Variants in IQCH observed in about 807,000 individuals in gnomAD.
IQCH encodes the protein IQ motif containing H, also known as IQ domain-containing protein H.
IQCH carries 98 observed loss-of-function variants against 117.0 expected under a neutral mutation model. The ratio of observed to expected loss-of-function variants is 0.84; its 90% CI spans 0.71 to 0.99. The LOEUF is 0.99. IQCH is among the 50% of genes least tolerant of loss of function. The pLI is 0.00. For missense variants in IQCH, 1,102 were observed against 1,243.8 expected (o/e 0.89, Z 1.72); for synonymous variants, 412 against 448.2 (o/e 0.92, Z 1.02).
At chr15:67,258,745 A>G (rs992115294) in intron 1 of IQCH, among the ~76,000 whole-genome samples, 1 of 152,308 alleles carries the variant, frequency 6.6e-6, no homozygotes, top group East Asian at 1.9e-4. Context: ...TTGTCAAAAT[A>G]ATAATCTTTC....
Position 67,500,290 on chromosome 15 carries a change from T to C in IQCH, c.2971-343T>C, listed in dbSNP as rs983741477. 2.6e-5 allele frequency among the ~76,000 whole-genome samples: 4 copies of C among 152,186 alleles called. No individual in the cohort carries two copies. Among genetic ancestry groups the C allele is most frequent in the African/African-American group, 4.8e-5 (2 of 41,450 alleles). ...GGAAACTATTTGTTTTGTTTTGATT[T>C]TATCTGACTATCATGGATCAACATT... On this transcript the variant is annotated intron_variant, in intron 20 of 20. Transcript: ENST00000335894. This position sits in a 1 kb window ranked among gnomAD's most constrained non-coding sequence, Gnocchi z 4.4.
intron 3 of IQCH, among the ~76,000 whole-genome samples, chr15:67,266,057 A>G (rs903666079): frequency 4.6e-5 from 7 of 152,106 alleles, no homozygotes; most frequent in African/African-American, 1.7e-4. Context: ...ATTGGGACAG[A>G]AGCAGGACCT....
chr15:67,305,604 T>C (rs1967255281), intron 4 of IQCH, among the ~76,000 whole-genome samples: 1 of 152,156 alleles, frequency 6.6e-6, no homozygotes, highest in Non-Finnish European at 1.5e-5. Context: ...AGCAGATTTC[T>C]CTTTTGTTGT....
chr15:67,337,201 C>A, intron 5 of IQCH, 106 bp downstream of exon 5: 2 of 1,297,518 alleles, frequency 1.5e-6, no homozygotes, highest in Non-Finnish European at 2.2e-6. Context: ...ACTAATTCTC[C>A]TGGGTGGCCT....
chr15:67,398,396 G>A (rs1273061370), intron 13 of IQCH, among the ~76,000 whole-genome samples: 4 of 152,094 alleles, frequency 2.6e-5, no homozygotes, highest in Admixed American at 6.5e-5. Flanking sequence ...ACCTTCCTAG[G>A]CTGTGTTCAT....
Position 67,445,778 on chromosome 15 carries a change from A to G in IQCH, c.2506-19349A>G, listed in dbSNP as rs1344684579. ...TAGATGTCTCCACAAATGTCTTAATATGTAAATGCTATTAAACCAACCCAC... is the reference window on the plus strand; with the variant it reads ...TAGATGTCTCCACAAATGTCTTAATGTGTAAATGCTATTAAACCAACCCAC... On this transcript the variant is annotated intron_variant, in intron 16 of 20. Coordinates refer to ENST00000335894, the MANE Select transcript of IQCH (RefSeq NM_001031715.3). The surrounding 1 kb of genome is among the most constrained non-coding windows in gnomAD (Gnocchi z 4.3). 6.6e-6 allele frequency among the ~76,000 whole-genome samples: 1 copy of G among 152,190 alleles called. No homozygotes were observed. The highest frequency in any genetic ancestry group is 1.5e-5 in the Non-Finnish European group (1 of 68,036).
At chr15:67,264,847 T>C (rs1199639898) in intron 3 of IQCH, among the ~76,000 whole-genome samples, 4 of 151,736 alleles carry the variant, frequency 2.6e-5, no homozygotes, top group Non-Finnish European at 4.4e-5. Flanking sequence ...GCTCTCTCTC[T>C]CTCTCCCTCC....
chr15:67,417,141 T>C lies in IQCH; in HGVS notation c.2218+90T>C. On this transcript the variant is annotated intron_variant, in intron 15 of 20. Coordinates refer to ENST00000335894, the MANE Select transcript of IQCH (RefSeq NM_001031715.3). The surrounding 1 kb of genome is among the most constrained non-coding windows in gnomAD (Gnocchi z 4.3). ...TCAACTGGGGCCAATTTAAATACTT[T>C]GCATCTCCTGTGTTGGTTTAGAAAA... 4 of 1,118,536 alleles carry C rather than the reference T, an allele frequency of 3.6e-6. No individual in the cohort carries two copies. Among genetic ancestry groups the C allele is most frequent in the East Asian group, 2.8e-5 (1 of 35,826 alleles). The allele number at this position is 1,118,536 out of a possible 1,614,324, so 69.3% of individuals were successfully genotyped here. A position where few individuals can be genotyped will look rare whatever the true frequency, so the allele number is the denominator to read the frequency against.
rs955863207 is a variant in IQCH, at chr15:67,388,256, T to C, written c.1457-575T>C. 3.3e-5 allele frequency among the ~76,000 whole-genome samples: 5 copies of C among 152,212 alleles called. No homozygotes were observed. The South Asian group carries it at 1.0e-3, about 32-fold the overall frequency. On this transcript the variant is annotated intron_variant, in intron 11 of 20. Coordinates refer to ENST00000335894, the MANE Select transcript of IQCH (RefSeq NM_001031715.3). This position sits in a 1 kb window ranked among gnomAD's most constrained non-coding sequence, Gnocchi z 5.5. ...GATGGTGTTTCCTTTAAACCAAGAATCACTAGACCTGCTATTTAAGTAATG... is the reference window on the plus strand; with the variant it reads ...GATGGTGTTTCCTTTAAACCAAGAACCACTAGACCTGCTATTTAAGTAATG...
Position 67,494,273 on chromosome 15 carries a change from T to A in IQCH, c.2877T>A (p.Asp959Glu), listed in dbSNP as rs780018133. ...TCATTAACAGAACAATCGGCGAGGA[T>A]CTCCAGGGGGTCCTCATGACCTTTG... is the stretch of plus-strand genomic sequence containing the variant. Reference protein sequence around the residue: ...HKLGMLTIGEDLQGVLMTFAR... With the variant: ...HKLGMLTIGEELQGVLMTFAR... Residue 959 changes from aspartate to glutamate, a missense_variant, in exon 20 of 21, where the codon GAT becomes GAA. By Grantham distance (45) the Asp-to-Glu change is conservative (BLOSUM62 2). This residue lies in a region of IQCH where 650 missense variants were observed against 794.3 expected (regional missense o/e 0.82). Coordinates refer to ENST00000335894, the MANE Select transcript of IQCH (RefSeq NM_001031715.3). The surrounding 1 kb of genome is among the most constrained non-coding windows in gnomAD (Gnocchi z 5.5). 1 of 1,610,002 alleles carries A rather than the reference T, an allele frequency of 6.2e-7. No individual in the cohort carries two copies. The highest frequency in any genetic ancestry group is 1.1e-5 in the South Asian group (1 of 90,014).
chr15:67,265,717 T>G (rs1965643121), intron 3 of IQCH, among the ~76,000 whole-genome samples: 1 of 152,178 alleles, frequency 6.6e-6, no homozygotes, highest in Admixed American at 6.5e-5. Context: ...GACTGACATT[T>G]TCTCTGCTCC....
At chr15:67,444,247 A>G (rs1042153176) in intron 16 of IQCH, among the ~76,000 whole-genome samples, 7 of 152,216 alleles carry the variant, frequency 4.6e-5, no homozygotes, top group Admixed American at 1.3e-4. Flanking sequence ...TTAAATGTTA[A>G]TGACTAAGTG....
rs559441912 is a variant in IQCH at position 67,255,234 on chromosome 15, T to C, written c.51+287T>C. Reference sequence around the variant, plus strand: ...TACTTCAGAAAAATTAACCTCACGCTGAGGCATCATTTTTAAATGTTATAT... The same window carrying C: ...TACTTCAGAAAAATTAACCTCACGCCGAGGCATCATTTTTAAATGTTATAT... On this transcript the variant is annotated intron_variant, in intron 1 of 20. Coordinates refer to ENST00000335894, the MANE Select transcript of IQCH (RefSeq NM_001031715.3). 6.4e-5 allele frequency: 32 copies of C among 499,734 alleles called. No homozygotes were observed. In the South Asian group the frequency reaches 6.9e-4, roughly 11 times the overall value. The allele number at this position is 499,734 out of a possible 1,614,324, so 31.0% of individuals were successfully genotyped here. A position where few individuals can be genotyped will look rare whatever the true frequency, so the allele number is the denominator to read the frequency against.
chr15:67,361,728 A>G (rs554816212), intron 8 of IQCH, among the ~76,000 whole-genome samples: 40 of 152,272 alleles, frequency 2.6e-4, no homozygotes, highest in Admixed American at 1.4e-3. Flanking sequence ...ACCAAACCCA[A>G]TTTAAGAAGT....
rs971892925 is a variant in IQCH, at chr15:67,431,781, T to C, written c.2505+10204T>C. Among the ~76,000 whole-genome samples the C allele has an allele frequency of 2.0e-5, 3 of 152,140 alleles. No homozygotes were observed. The highest frequency in any genetic ancestry group is 2.1e-4 in the South Asian group (1 of 4,824). On this transcript the variant is annotated intron_variant, in intron 16 of 20. Coordinates refer to ENST00000335894, the MANE Select transcript of IQCH (RefSeq NM_001031715.3). The surrounding 1 kb of genome is among the most constrained non-coding windows in gnomAD (Gnocchi z 4.8). ...GTAGCCTCTTGTTTCTTGAGGAGCA[T>C]GGTGATCTGGCTTTTACCAAATAAA...
At position 67,361,063 on chromosome 15, in the gene IQCH, C is replaced by T. The variant is rs1442930199; in HGVS notation, c.753+1178C>T. 4.6e-5 allele frequency among the ~76,000 whole-genome samples: 7 copies of T among 152,330 alleles called. No homozygotes were observed. In the East Asian group the frequency reaches 9.6e-4, roughly 21 times the overall value. On this transcript the variant is annotated intron_variant, in intron 8 of 20. Transcript: ENST00000335894. ...TAAGCATCTTTCGTACCCACTGAAC[C>T]GTCATAGCAGGCAGAACCTATGTGC...
chr15:67,273,285 GT>G, intron 3 of IQCH, among the ~76,000 whole-genome samples: 1 of 151,920 alleles, frequency 6.6e-6, no homozygotes, highest in Admixed American at 6.6e-5. Flanking sequence ...TGCCAGGCTG[GT>G]CTCAAACTCC....
In IQCH at chr15:67,270,872, T is replaced by G. The variant is rs544362509; in HGVS notation, c.269+7656T>G. On this transcript the variant is annotated intron_variant, in intron 3 of 20. Transcript: ENST00000335894. ...GGATGCTGAATTTTATCAGATGCCT[T>G]TTAGCATCTATTGGAATGATCATAT... Among the ~76,000 whole-genome samples, 30 of 152,322 alleles carry G rather than the reference T, an allele frequency of 2.0e-4. No individual in the cohort carries two copies. The East Asian group carries it at 5.4e-3, about 27-fold the overall frequency.
intron 4 of IQCH, among the ~76,000 whole-genome samples, chr15:67,331,603 A>G (rs1968670025): frequency 6.6e-6 from 1 of 152,212 alleles, no homozygotes; most frequent in Non-Finnish European, 1.5e-5. Context: ...TACAAACTAT[A>G]AGAAAGAAAT....
Sources: allele counts gnomAD v4.1 joint callset (sites outside exome capture counted in the v4.1 genomes callset), GRCh38; gene constraint gnomAD v4.1.1; regional missense constraint gnomAD v4.1.1; non-coding constraint Gnocchi (gnomAD v3.1); transcripts MANE v1.5; gene names NCBI Gene and HGNC (gene_info 2026-07-23, HGNC 2026-07-21).